Variants in MACF1 observed in about 807,000 individuals in gnomAD.
MACF1 encodes the protein microtubule-actin cross-linking factor 1.
MACF1 carries 193 observed loss-of-function variants against 854.8 expected under a neutral mutation model. That is an observed-to-expected ratio of 0.23 (90% CI 0.20 to 0.25). MACF1 has a LOEUF of 0.25. MACF1 is among the 10% of genes least tolerant of loss of function. The pLI, the probability that MACF1 is intolerant of heterozygous loss-of-function variation, is 1.00. For missense variants in MACF1, 7,722 were observed against 8,929.1 expected (o/e 0.86, Z 5.45); for synonymous variants, 3,185 against 3,226.7 (o/e 0.99, Z 0.44).
At chr1:39,207,282 CTTTT>C (rs199750797) in intron 1 of MACF1, among the ~76,000 whole-genome samples, 1 of 133,310 alleles carries the variant, frequency 7.5e-6, no homozygotes, top group Admixed American at 7.3e-5. Context: ...TTCTTTCTTT[CTTTT>C]TTTTTTTTGG....
intron 6 of MACF1, among the ~76,000 whole-genome samples, chr1:39,279,344 T>C (rs2148375244): frequency 6.6e-6 from 1 of 152,314 alleles, no homozygotes; most frequent in Non-Finnish European, 1.5e-5. Flanking sequence ...CTTAGTAATA[T>C]TTAGTAGCCT....
In MACF1 at chr1:39,300,119, C is replaced by T. The variant is rs527677937; in HGVS notation, c.2482-91C>T. ...CTACTTAACTGAGAGATGACATTCT[C>T]TGAGGGAGTGGAGTATTCAGTTTTC... On this transcript the variant is annotated intron_variant, in intron 21 of 100. Transcript: ENST00000564288. 5 of 1,303,068 alleles carry T rather than the reference C, an allele frequency of 3.8e-6. No individual in the cohort carries two copies. The African/African-American group carries it at 5.9e-5, about 15-fold the overall frequency. The allele number at this position is 1,303,068 out of a possible 1,614,324, so 80.7% of individuals were successfully genotyped here. A position where few individuals can be genotyped will look rare whatever the true frequency, so the allele number is the denominator to read the frequency against.
chr1:39,269,391 G>T, intron 6 of MACF1: 1 of 1,289,806 alleles, frequency 7.8e-7, no homozygotes, highest in South Asian at 1.2e-5. Flanking sequence ...TGTTTCAGGT[G>T]CCCCTCAGAC....
intron 63 of MACF1, among the ~76,000 whole-genome samples, chr1:39,428,734 A>G (rs1270288405): frequency 6.6e-6 from 1 of 152,192 alleles, no homozygotes; most frequent in East Asian, 1.9e-4. Context: ...TCTTAATAGA[A>G]GAGTTTGCCT....
chr1:39,401,449 A>G (rs1642474246), intron 58 of MACF1, among the ~76,000 whole-genome samples: 1 of 152,212 alleles, frequency 6.6e-6, no homozygotes, highest in African/African-American at 2.4e-5. Flanking sequence ...TCTTTAATTA[A>G]AACATTGAGG....
chr1:39,152,708 A>G (rs370525804), intron 2 of MACF1, among the ~76,000 whole-genome samples: 4 of 152,356 alleles, frequency 2.6e-5, no homozygotes, highest in African/African-American at 9.6e-5. Flanking sequence ...TGTTAGCAAA[A>G]GGCAGCTTCA....
At chr1:39,253,168 G>A (rs1645060771) in intron 4 of MACF1, among the ~76,000 whole-genome samples, 1 of 152,210 alleles carries the variant, frequency 6.6e-6, no homozygotes, top group African/African-American at 2.4e-5. Context: ...AGTAGGCAAA[G>A]AGACTGCATT....
chr1:39,147,644 A>T (rs1218701653), intron 2 of MACF1, among the ~76,000 whole-genome samples: 1 of 151,764 alleles, frequency 6.6e-6, no homozygotes, highest in African/African-American at 2.4e-5. Context: ...CTCACCCCTC[A>T]TGTAGCTGGG....
chr1:39,105,324 C>T lies in MACF1; in HGVS notation c.220+20886C>T, dbSNP rs1255758297. On this transcript the variant is annotated intron_variant, in intron 2 of 93. Transcript: ENST00000361689. The surrounding 1 kb of genome is among the most constrained non-coding windows in gnomAD (Gnocchi z 5.9). ...GCCTGGCGCTCCTGACAGGAGGAGCCGCCGCCGCCGCCCGCCGCTGCAGCC... is the reference window on the plus strand; with the variant it reads ...GCCTGGCGCTCCTGACAGGAGGAGCTGCCGCCGCCGCCCGCCGCTGCAGCC... The T allele has an allele frequency of 2.6e-5, 22 of 831,076 alleles. No homozygotes were observed. Among genetic ancestry groups the T allele is most frequent in the Non-Finnish European group, 3.0e-5 (21 of 690,068 alleles). The allele number at this position is 831,076 out of a possible 1,614,324, so 51.5% of individuals were successfully genotyped here.
At chr1:39,279,063 C>T (rs1645493735) in intron 6 of MACF1, among the ~76,000 whole-genome samples, 1 of 152,136 alleles carries the variant, frequency 6.6e-6, no homozygotes, top group African/African-American at 2.4e-5. Flanking sequence ...TGAAGGTTGT[C>T]AGGTGAACAT....
chr1:39,483,425 G>C (rs527458759), intron 99 of MACF1, among the ~76,000 whole-genome samples: 30 of 152,292 alleles, frequency 2.0e-4, no homozygotes, highest in African/African-American at 6.7e-4. Flanking sequence ...GAATGAGGGG[G>C]TGAGCCACAC....
chr1:39,424,811 A>C (rs1643671817), intron 61 of MACF1, among the ~76,000 whole-genome samples: 1 of 152,212 alleles, frequency 6.6e-6, no homozygotes, highest in Non-Finnish European at 1.5e-5. Context: ...ACTTTTATAC[A>C]GTCCTCAGTT....
At position 39,429,975 on chromosome 1, in the gene MACF1, C is replaced by G. The variant is rs550932621; in HGVS notation, c.17037C>G (p.Thr5679=). The part of the protein sequence containing the change: ...TKFQSTYEEL[T]GWLREVEEEL... The stretch of plus-strand genomic sequence containing the variant: ...TCCAGTCTACTTATGAGGAACTGAC[C>G]GGGTGGCTGAGGGAGGTGGAGGAGG... Residue 5679 remains threonine, a synonymous_variant, in exon 65 of 101, where the codon ACC becomes ACG. Transcript: ENST00000564288. 1 of 1,613,734 alleles carries G rather than the reference C, an allele frequency of 6.2e-7. No individual in the cohort carries two copies. Among genetic ancestry groups the G allele is most frequent in the South Asian group, 1.1e-5 (1 of 91,046 alleles).
chr1:39,413,746 G>C (rs764491074), intron 58 of MACF1: 4 of 1,582,536 alleles, frequency 2.5e-6, no homozygotes, highest in South Asian at 1.1e-5. Context: ...CTCCGCAGCT[G>C]TTGCAGTGCC....
rs771684328 is a variant in MACF1, at chr1:39,412,943, A to G, written c.15817-9431A>G. 2.5e-6 allele frequency: 4 copies of G among 1,601,026 alleles called. No homozygotes were observed. The East Asian group carries it at 9.0e-5, about 36-fold the overall frequency. On this transcript the variant is annotated intron_variant, in intron 58 of 100. Transcript: ENST00000564288. ...GTTGCTTCAATAGTCTCCTTAGAGG[A>G]GGAGGATGTCACAGCTGCTGCAGTA...
At chr1:39,188,922 G>C (rs1644212005) in intron 2 of MACF1, among the ~76,000 whole-genome samples, 1 of 151,960 alleles carries the variant, frequency 6.6e-6, no homozygotes, top group Admixed American at 6.6e-5. Flanking sequence ...ATTTTTAGTA[G>C]AGGCGGGGTT....
At chr1:39,285,530 C>G in intron 13 of MACF1, 74 bp from the exon 14 acceptor site, 1 of 1,462,490 alleles carries the variant, frequency 6.8e-7, no homozygotes, top group Non-Finnish European at 9.4e-7. Context: ...TTGCAGTAGA[C>G]TTCTTGGCTC....
chr1:39,439,417 A>G lies in MACF1; in HGVS notation c.18364A>G (p.Lys6122Glu), dbSNP rs1166438849. ...YDMAALLTTI[K>E]DTQDIVHDLE... ...CATGGCAGCTCTCCTGACCACCATC[A>G]AAGACACCCAGGATATTGTCCATGA... Residue 6122 changes from lysine to glutamate, a missense_variant, in exon 72 of 101, where the codon AAA becomes GAA. Lys to Glu is a moderately conservative substitution (Grantham distance 56). Around this residue, in one of 15 missense-constraint regions of MACF1, gnomAD observed 2,807 missense variants for 3,235.8 expected, o/e 0.87. Coordinates refer to ENST00000564288, the MANE Select transcript of MACF1 (RefSeq NM_001394062.1). The G allele has an allele frequency of 6.2e-7, 1 of 1,614,212 alleles. No individual in the cohort carries two copies. Among genetic ancestry groups the G allele is most frequent in the Admixed American group, 1.7e-5 (1 of 60,030 alleles).
At chr1:39,232,943 C>T (rs1351057638) in intron 2 of MACF1, among the ~76,000 whole-genome samples, 4 of 151,846 alleles carry the variant, frequency 2.6e-5, no homozygotes, top group Non-Finnish European at 5.9e-5. Flanking sequence ...CTACCACACC[C>T]GGCTAATTTT....
Sources: allele counts gnomAD v4.1 joint callset (sites outside exome capture counted in the v4.1 genomes callset), GRCh38; gene constraint gnomAD v4.1.1; regional missense constraint gnomAD v4.1.1; non-coding constraint Gnocchi (gnomAD v3.1); transcripts MANE v1.5; gene names NCBI Gene and HGNC (gene_info 2026-07-23, HGNC 2026-07-21).